Variants in PPP2R2B observed in about 807,000 individuals in gnomAD.
The protein encoded by PPP2R2B is protein phosphatase 2 regulatory subunit Bbeta, also known as serine/threonine-protein phosphatase 2A 55 kDa regulatory subunit B beta isoform.
A neutral mutation model predicts 46.0 loss-of-function variants in PPP2R2B; 5 were observed. That is an observed-to-expected ratio of 0.11 (90% CI 0.06 to 0.23). The LOEUF is 0.23. Ranked by LOEUF, PPP2R2B falls within the 10% of genes least tolerant of loss-of-function variation. The pLI is 1.00. For missense variants in PPP2R2B, 367 were observed against 575.0 expected (o/e 0.64, Z 3.70); for synonymous variants, 215 against 206.7 (o/e 1.04, Z -0.34).
chr5:146,781,130 TGATATA>T (rs1755485704), intron 2 of PPP2R2B, among the ~76,000 whole-genome samples: 1 of 30,014 alleles, frequency 3.3e-5, no homozygotes, highest in South Asian at 1.1e-3. Context: ...AATGCCACCA[TGATATA>T]TATATATATA....
At chr5:146,696,235 C>T (rs1779171993) in intron 4 of PPP2R2B, among the ~76,000 whole-genome samples, 1 of 151,922 alleles carries the variant, frequency 6.6e-6, no homozygotes. Context: ...TCCCGAGTAG[C>T]CAGGACTACA....
chr5:147,044,847 A>C (rs1756478393), intron 1 of PPP2R2B, among the ~76,000 whole-genome samples: 1 of 152,190 alleles, frequency 6.6e-6, no homozygotes, highest in Non-Finnish European at 1.5e-5. Flanking sequence ...TTGCTGAATA[A>C]ACATGATATG....
At chr5:146,699,661 G>GTTTTTTTTTTTTTTTTTTTTTTTTTTT (rs11388336) in intron 3 of PPP2R2B, among the ~76,000 whole-genome samples, 1 of 118,056 alleles carries the variant, frequency 8.5e-6, no homozygotes, top group Non-Finnish European at 1.7e-5. Context: ...AACTTAATTG[G>GTTTTTTTTTTTTTTTTTTTTTTTTTTT]TTTTTTTTTT....
intron 1 of PPP2R2B, among the ~76,000 whole-genome samples, chr5:146,990,615 A>C (rs569228220): frequency 6.6e-6 from 1 of 152,300 alleles, no homozygotes; most frequent in Admixed American, 6.5e-5. Context: ...TGAAACTATT[A>C]GTAGAAAATA....
At chr5:147,010,766 TG>T (rs1754688064) in intron 1 of PPP2R2B, among the ~76,000 whole-genome samples, 1 of 152,078 alleles carries the variant, frequency 6.6e-6, no homozygotes, top group African/African-American at 2.4e-5. Context: ...GCCTGGGAGT[TG>T]GGGACCCTGA....
At chr5:146,874,513 C>T (rs114005943) in intron 2 of PPP2R2B, among the ~76,000 whole-genome samples, 1 of 152,146 alleles carries the variant, frequency 6.6e-6, no homozygotes, top group Non-Finnish European at 1.5e-5. Context: ...AGGCATATCC[C>T]GAGTGCTTGA....
At chr5:146,888,806 T>C (rs1762406570) in intron 1 of PPP2R2B, among the ~76,000 whole-genome samples, 1 of 152,214 alleles carries the variant, frequency 6.6e-6, no homozygotes, top group Non-Finnish European at 1.5e-5. Flanking sequence ...TTGCATCTTA[T>C]GTTCCCTCTC....
intron 6 of PPP2R2B, among the ~76,000 whole-genome samples, chr5:146,643,277 A>G (rs1581778095): frequency 6.6e-6 from 1 of 152,030 alleles, no homozygotes; most frequent in African/African-American, 2.4e-5. Context: ...AAGAATCTAT[A>G]CCCTGCCAGT....
chr5:146,601,315 T>G (rs997283862), intron 7 of PPP2R2B, among the ~76,000 whole-genome samples: 2 of 152,196 alleles, frequency 1.3e-5, no homozygotes, highest in Non-Finnish European at 2.9e-5. Flanking sequence ...TAGTGAAACT[T>G]TGGCCAGGTG....
intron 6 of PPP2R2B, among the ~76,000 whole-genome samples, chr5:146,639,856 T>C (rs1464158057): frequency 1.3e-5 from 2 of 152,228 alleles, no homozygotes; most frequent in South Asian, 2.1e-4. Flanking sequence ...GTAATATGCA[T>C]AAAAATTGAC....
intron 1 of PPP2R2B, among the ~76,000 whole-genome samples, chr5:147,003,983 A>G (rs573971731): frequency 2.0e-4 from 31 of 152,282 alleles, no homozygotes; most frequent in Non-Finnish European, 4.0e-4. Flanking sequence ...GGCCCTGAAC[A>G]AAATCTGGAG....
intron 5 of PPP2R2B, among the ~76,000 whole-genome samples, chr5:146,651,242 G>A (rs1445469599): frequency 6.6e-6 from 1 of 152,056 alleles, no homozygotes; most frequent in Admixed American, 6.5e-5. Context: ...CATCACCCAA[G>A]ACTCTAATCG....
At chr5:146,602,438 C>G (rs1305841460) in intron 7 of PPP2R2B, among the ~76,000 whole-genome samples, 3 of 152,112 alleles carry the variant, frequency 2.0e-5, no homozygotes, top group African/African-American at 7.2e-5. Flanking sequence ...TATGCATTTG[C>G]TGACATTCAA....
chr5:146,762,358 G>T (rs572568276), intron 2 of PPP2R2B, among the ~76,000 whole-genome samples: 22 of 152,258 alleles, frequency 1.4e-4, no homozygotes, highest in Middle Eastern at 3.4e-3. Context: ...CTATTAAATG[G>T]AGAAGAAAAT....
chr5:146,985,426 A>G (rs2151858094), intron 1 of PPP2R2B, among the ~76,000 whole-genome samples: 1 of 152,188 alleles, frequency 6.6e-6, no homozygotes, highest in Non-Finnish European at 1.5e-5. Context: ...CAATCTGTTT[A>G]TTTTTGCTTT....
intron 1 of PPP2R2B, among the ~76,000 whole-genome samples, chr5:146,917,417 A>G (rs1206310062): frequency 2.0e-5 from 3 of 152,222 alleles, no homozygotes; most frequent in African/African-American, 7.2e-5. Context: ...TACCTCAGTA[A>G]AAGGTCATTC....
chr5:146,865,052 T>C (rs1404829047), intron 2 of PPP2R2B, among the ~76,000 whole-genome samples: 2 of 152,210 alleles, frequency 1.3e-5, no homozygotes, highest in South Asian at 2.1e-4. Context: ...AAAGACATGA[T>C]TTAGAGTCTA....
chr5:146,922,850 GA>G (rs1763653722), intron 1 of PPP2R2B, among the ~76,000 whole-genome samples: 1 of 152,086 alleles, frequency 6.6e-6, no homozygotes, highest in African/African-American at 2.4e-5. Flanking sequence ...GGGCTTCTGG[GA>G]AAAAATGCTT....
At chr5:146,863,733 TA>T (rs1258741362) in intron 2 of PPP2R2B, among the ~76,000 whole-genome samples, 1 of 152,158 alleles carries the variant, frequency 6.6e-6, no homozygotes, top group African/African-American at 2.4e-5. Flanking sequence ...AAATATTGTA[TA>T]AACTTTTTTA....
Sources: allele counts gnomAD v4.1 joint callset (sites outside exome capture counted in the v4.1 genomes callset), GRCh38; gene constraint gnomAD v4.1.1; transcripts MANE v1.5; gene names NCBI Gene and HGNC (gene_info 2026-07-23, HGNC 2026-07-21).